Variants in PDE4D observed in about 807,000 individuals in gnomAD.
The protein encoded by PDE4D is 3',5'-cyclic-AMP phosphodiesterase 4D.
PDE4D carries 24 observed loss-of-function variants against 87.4 expected under a neutral mutation model. That is an observed-to-expected ratio of 0.27 (90% CI 0.20 to 0.39). The LOEUF is 0.39. PDE4D is among the 10% of genes least tolerant of loss of function. The pLI, the probability that PDE4D is intolerant of heterozygous loss-of-function variation, is 1.00. For missense variants in PDE4D, 714 were observed against 1,041.0 expected, an observed-to-expected ratio of 0.69 and a Z score of 4.32; for synonymous variants, 384 against 383.2, an observed-to-expected ratio of 1.00 and a Z score of -0.02.
chr5:58,995,713 T>C (rs1561263223), intron 6 of PDE4D, among the ~76,000 whole-genome samples: 1 of 152,218 alleles, frequency 6.6e-6, no homozygotes, highest in Non-Finnish European at 1.5e-5. Flanking sequence ...AGGATTTGAC[T>C]GTAGTTATAA....
At chr5:59,472,832 A>G (rs532978965) in intron 1 of PDE4D, among the ~76,000 whole-genome samples, 1 of 152,226 alleles carries the variant, frequency 6.6e-6, no homozygotes, top group Admixed American at 6.5e-5. Context: ...AATACATCTT[A>G]ATGACTTAAA....
chr5:59,369,000 CAAAT>C (rs1783529922), intron 1 of PDE4D, among the ~76,000 whole-genome samples: 1 of 152,212 alleles, frequency 6.6e-6, no homozygotes, highest in African/African-American at 2.4e-5. Flanking sequence ...AAACCCACCA[CAAAT>C]AAATATGTGT....
chr5:59,859,307 C>T (rs867060123), intron 1 of PDE4D, among the ~76,000 whole-genome samples: 1 of 152,056 alleles, frequency 6.6e-6, no homozygotes, highest in Non-Finnish European at 1.5e-5. Flanking sequence ...AAGGACAGTT[C>T]GCTATGTTTG....
At chr5:59,673,639 T>C (rs573806539) in intron 1 of PDE4D, among the ~76,000 whole-genome samples, 1 of 152,172 alleles carries the variant, frequency 6.6e-6, no homozygotes, top group African/African-American at 2.4e-5. Context: ...CATGGCGCCA[T>C]CTAGTGATCA....
intron 1 of PDE4D, among the ~76,000 whole-genome samples, chr5:59,668,360 C>T (rs1482939122): frequency 1.3e-5 from 2 of 152,160 alleles, no homozygotes; most frequent in East Asian, 3.9e-4. Flanking sequence ...GATGAGGCTT[C>T]CTCCTGGGAT....
At chr5:60,478,596 T>C (rs1172813898) in intron 1 of PDE4D, among the ~76,000 whole-genome samples, 1 of 152,198 alleles carries the variant, frequency 6.6e-6, no homozygotes, top group Non-Finnish European at 1.5e-5. Context: ...ACTATTTGCT[T>C]CTATTCATGC....
chr5:58,976,241 A>C, intron 13 of PDE4D, 109 bp downstream of exon 13: 1 of 1,188,072 alleles, frequency 8.4e-7, no homozygotes, highest in Non-Finnish European at 1.1e-6. Flanking sequence ...AATTGCTGAA[A>C]GTATAAGGTG....
intron 5 of PDE4D, chr5:59,166,580 C>T (rs1220059942): frequency 6.6e-6 from 1 of 152,144 alleles, no homozygotes; most frequent in African/African-American, 2.4e-5. Context: ...TATGCTTATT[C>T]CACACATTGC....
chr5:59,382,844 G>A (rs543838815), intron 1 of PDE4D, among the ~76,000 whole-genome samples: 1 of 152,076 alleles, frequency 6.6e-6, no homozygotes. Context: ...CAGTATTTTC[G>A]CCTATAAAAT....
At position 60,391,366 on chromosome 5, in the gene PDE4D, T is replaced by G. The variant is rs568732517; in HGVS notation, c.-90+96576A>C. Among the ~76,000 whole-genome samples, 3 of 152,226 alleles carry G rather than the reference T, an allele frequency of 2.0e-5. No homozygotes were observed. The South Asian group carries it at 6.3e-4, about 32-fold the overall frequency. On this transcript the variant is annotated intron_variant, in intron 1 of 16. Coordinates refer to the PDE4D transcript ENST00000502484. Reference sequence around the variant, plus strand: ...TACTGCTACTTTAACAAATTACCATTAGTGGCATAAAACAACAAAAGTTTA... The same window carrying G: ...TACTGCTACTTTAACAAATTACCATGAGTGGCATAAAACAACAAAAGTTTA...
chr5:59,249,867 G>A (rs1373958876), intron 1 of PDE4D, among the ~76,000 whole-genome samples: 1 of 151,980 alleles, frequency 6.6e-6, no homozygotes, highest in East Asian at 1.9e-4. Context: ...GTATATGTGT[G>A]TGTGTATGTT....
At chr5:60,171,143 A>G (rs1015130893) in intron 2 of PDE4D, among the ~76,000 whole-genome samples, 1 of 152,122 alleles carries the variant, frequency 6.6e-6, no homozygotes, top group Non-Finnish European at 1.5e-5. Flanking sequence ...TGATGTGCAC[A>G]TCAGCCAGAT....
intron 1 of PDE4D, among the ~76,000 whole-genome samples, chr5:59,577,994 G>A (rs959483837): frequency 1.3e-5 from 2 of 152,046 alleles, no homozygotes; most frequent in Non-Finnish European, 2.9e-5. Flanking sequence ...CTCAGAGACT[G>A]GTGACACTTT....
intron 5 of PDE4D, among the ~76,000 whole-genome samples, chr5:59,075,542 T>C (rs1316990427): frequency 6.6e-6 from 1 of 152,080 alleles, no homozygotes; most frequent in Non-Finnish European, 1.5e-5. Context: ...TATTTTATTA[T>C]CCAAAAAATA....
intron 1 of PDE4D, among the ~76,000 whole-genome samples, chr5:59,823,473 C>A (rs193189134): frequency 1.3e-5 from 2 of 152,142 alleles, no homozygotes; most frequent in African/African-American, 4.8e-5. Context: ...AGAGAGGAGT[C>A]GACCAGCTTG....
chr5:59,406,768 T>C (rs1791740575), intron 1 of PDE4D, among the ~76,000 whole-genome samples: 1 of 152,220 alleles, frequency 6.6e-6, no homozygotes, highest in Admixed American at 6.5e-5. Context: ...TTGTTCTTAC[T>C]TGATAATTTT....
chr5:59,683,473 A>G (rs1452551452), intron 1 of PDE4D, among the ~76,000 whole-genome samples: 1 of 152,230 alleles, frequency 6.6e-6, no homozygotes, highest in Non-Finnish European at 1.5e-5. Context: ...TGAATGCTTC[A>G]ACTAGTTATA....
chr5:59,802,472 C>T (rs1188763494), intron 1 of PDE4D, among the ~76,000 whole-genome samples: 1 of 146,162 alleles, frequency 6.8e-6, no homozygotes, highest in Non-Finnish European at 1.5e-5. Context: ...GATCTCAGCT[C>T]ACTGCAACCT....
chr5:60,185,050 A>G (rs900443003), intron 2 of PDE4D, among the ~76,000 whole-genome samples: 3 of 152,142 alleles, frequency 2.0e-5, no homozygotes, highest in Non-Finnish European at 2.9e-5. Context: ...CCTTCAGTAG[A>G]GCCCTGAGGA....
Sources: gnomAD v4.1 joint callset for allele counts (sites outside exome capture counted in the v4.1 genomes callset) on GRCh38, gnomAD v4.1.1 for gene constraint, MANE v1.5 for transcripts, NCBI Gene and HGNC (gene_info 2026-07-23, HGNC 2026-07-21) for gene names.